The following ARHGEF10 variants were observed in gnomAD, a reference collection of about 807,000 sequenced individuals.
The protein encoded by ARHGEF10 is Rho guanine nucleotide exchange factor 10.
ARHGEF10 carries 140 observed loss-of-function variants against 147.4 expected under a neutral mutation model. That is an observed-to-expected ratio of 0.95 (90% CI 0.83 to 1.09). The LOEUF (loss-of-function observed/expected upper bound fraction) is 1.09, where lower values mean the gene tolerates loss of function less well. ARHGEF10 is among the 50% of genes least tolerant of loss of function. The probability of loss-of-function intolerance (pLI) is 0.00; values close to 1 mark genes in which losing one functional copy is unlikely to be tolerated. For missense variants in ARHGEF10, 2,222 were observed against 1,752.7 expected (o/e 1.27, Z -4.78); for synonymous variants, 902 against 695.8 (o/e 1.30, Z -4.67).
At chr8:1,955,485 G>T (rs376664414) in intron 28 of ARHGEF10, among the ~76,000 whole-genome samples, 1 of 146,670 alleles carries the variant, frequency 6.8e-6, no homozygotes, top group East Asian at 2.1e-4. Flanking sequence ...ATCCTGAAAG[G>T]AAGTGCACTC....
At chr8:1,950,140 A>C (rs933951020) in intron 27 of ARHGEF10, among the ~76,000 whole-genome samples, 1 of 152,164 alleles carries the variant, frequency 6.6e-6, no homozygotes, top group Admixed American at 6.5e-5. Flanking sequence ...GTGCAGCTGC[A>C]TCACCGTTCA....
At position 1,858,018 on chromosome 8, in the gene ARHGEF10, T is replaced by C; in HGVS notation, c.96T>C (p.Asp32=). The C allele has an allele frequency of 6.2e-7, 1 of 1,614,086 alleles. No homozygotes were observed. The highest frequency in any genetic ancestry group is 1.1e-5 in the South Asian group (1 of 91,056). ...AAGAGGAAGAGGGAGAACAGTTCGA[T>C]TTTGACAGTGGAGATGAAATCCCAG... ...NNEEEEGEQF[D]FDSGDEIPEA... is the part of the protein sequence containing the mutation. Residue 32 remains aspartate (D), a synonymous_variant, in exon 3 of 29, where the codon GAT becomes GAC. Coordinates refer to ENST00000349830, the MANE Select transcript of ARHGEF10 (RefSeq NM_014629.4).
intron 27 of ARHGEF10, among the ~76,000 whole-genome samples, chr8:1,949,559 G>A (rs1476179072): frequency 6.6e-6 from 1 of 152,134 alleles, no homozygotes; most frequent in Non-Finnish European, 1.5e-5. Flanking sequence ...TATTTTTGAT[G>A]GGAAAGTGCT....
chr8:1,860,979 C>T (rs1215611589), intron 4 of ARHGEF10, among the ~76,000 whole-genome samples: 2 of 152,180 alleles, frequency 1.3e-5, no homozygotes, highest in East Asian at 3.9e-4. Context: ...GCAGAGTCCT[C>T]AGTGGAAGGT....
Position 1,928,441 on chromosome 8 carries a change from C to G in ARHGEF10, c.2712C>G (p.Thr904=), listed in dbSNP as rs761563852. 1 of 1,614,044 alleles carries G rather than the reference C, an allele frequency of 6.2e-7. No homozygotes were observed. Among genetic ancestry groups the G allele is most frequent in the Admixed American group, 1.7e-5 (1 of 60,016 alleles). ...CTCTGATTCAGATCGGAAGTTGCAC[C>G]CATCAAATGGGTCAGATTGCCATCG... is the stretch of plus-strand genomic sequence containing the variant. The part of the protein sequence containing the change: ...AHGFLWIGSC[T]HQMGQIAIVS... Residue 904 remains threonine, a synonymous_variant, in exon 24 of 29, where the codon ACC becomes ACG. Transcript: ENST00000349830.
At chr8:1,873,309 G>A (rs1221005470) in intron 7 of ARHGEF10, among the ~76,000 whole-genome samples, 1 of 152,228 alleles carries the variant, frequency 6.6e-6, no homozygotes, top group Non-Finnish European at 1.5e-5. Flanking sequence ...CCCACAGCAC[G>A]GCAGCAGAAA....
chr8:1,926,111 G>A (rs1292746478), intron 22 of ARHGEF10, among the ~76,000 whole-genome samples: 1 of 152,200 alleles, frequency 6.6e-6, no homozygotes, highest in Non-Finnish European at 1.5e-5. Context: ...GAAGCGCCCT[G>A]AGCTGCCGGA....
At chr8:1,867,382 A>C (rs1405393525) in intron 6 of ARHGEF10, among the ~76,000 whole-genome samples, 1 of 152,234 alleles carries the variant, frequency 6.6e-6, no homozygotes, top group Non-Finnish European at 1.5e-5. Context: ...GATTTCAAAA[A>C]CAGGAAACAT....
chr8:1,826,008 T>G, intron 1 of ARHGEF10: 2 of 1,043,730 alleles, frequency 1.9e-6, no homozygotes, highest in Non-Finnish European at 2.8e-6. Flanking sequence ...ACGTCATGTA[T>G]TTTTAAAAAC....
chr8:1,847,566 G>A (rs1184105457), intron 2 of ARHGEF10, among the ~76,000 whole-genome samples: 1 of 152,020 alleles, frequency 6.6e-6, no homozygotes, highest in African/African-American at 2.4e-5. Flanking sequence ...ACTCACACTG[G>A]CATCGTCTCT....
chr8:1,881,706 G>A (rs999881622), intron 9 of ARHGEF10, among the ~76,000 whole-genome samples: 2 of 152,184 alleles, frequency 1.3e-5, no homozygotes, highest in Admixed American at 6.5e-5. Flanking sequence ...GTCCAGGGCA[G>A]GCAGACACGG....
intron 23 of ARHGEF10, among the ~76,000 whole-genome samples, chr8:1,927,833 C>T (rs138132043): frequency 7.9e-4 from 121 of 152,246 alleles, no homozygotes; most frequent in Non-Finnish European, 1.5e-3. Flanking sequence ...CCCAGTTTCT[C>T]AGGAGGCTGA....
intron 8 of ARHGEF10, among the ~76,000 whole-genome samples, chr8:1,879,059 A>G (rs1341994388): frequency 4.6e-5 from 7 of 152,220 alleles, no homozygotes; most frequent in Non-Finnish European, 1.0e-4. Flanking sequence ...AAAGGGTCAC[A>G]TTTTAAAAAC....
intron 10 of ARHGEF10, 100 bp from the exon 11 acceptor site, chr8:1,885,501 G>A (rs1260191522): frequency 1.2e-5 from 10 of 827,232 alleles, no homozygotes; most frequent in African/African-American, 6.8e-5. Flanking sequence ...AAATTGAAAG[G>A]TCTACACAAA....
chr8:1,872,581 T>C (rs1045880438), intron 7 of ARHGEF10, among the ~76,000 whole-genome samples: 3 of 152,208 alleles, frequency 2.0e-5, no homozygotes, highest in Admixed American at 6.5e-5. Context: ...TGAGAAGCTC[T>C]TGTAACACGA....
chr8:1,949,284 T>C (rs911504890), intron 27 of ARHGEF10, among the ~76,000 whole-genome samples: 1 of 152,180 alleles, frequency 6.6e-6, no homozygotes, highest in African/African-American at 2.4e-5. Flanking sequence ...CTTTTCTCCT[T>C]CTATTTGGAA....
chr8:1,866,642 G>C (rs376307710), intron 6 of ARHGEF10, 40 bp downstream of exon 6: 3 of 1,583,500 alleles, frequency 1.9e-6, no homozygotes, highest in East Asian at 4.5e-5. Flanking sequence ...TCCTCACCAC[G>C]CTCCACAGAC....
At chr8:1,864,822 G>C (rs951974045) in intron 5 of ARHGEF10, among the ~76,000 whole-genome samples, 5 of 152,218 alleles carry the variant, frequency 3.3e-5, no homozygotes, top group Non-Finnish European at 5.9e-5. Context: ...AGCCACTAGA[G>C]CAGTGCTCTT....
At chr8:1,956,096 A>G (rs1427828547) in intron 28 of ARHGEF10, among the ~76,000 whole-genome samples, 1 of 152,214 alleles carries the variant, frequency 6.6e-6, no homozygotes, top group African/African-American at 2.4e-5. Context: ...TCACCCACAA[A>G]GCATCCAGAA....
Sources: gnomAD v4.1 joint callset for allele counts (sites outside exome capture counted in the v4.1 genomes callset) on GRCh38, gnomAD v4.1.1 for gene constraint, MANE v1.5 for transcripts, NCBI Gene and HGNC (gene_info 2026-07-23, HGNC 2026-07-21) for gene names.